Variants in FADS2 observed in about 807,000 individuals in gnomAD.
FADS2 encodes acyl-CoA 6-desaturase.
Under a neutral mutation model 61.2 loss-of-function variants are expected in FADS2, and 18 were observed. That is an observed-to-expected ratio of 0.29 (90% CI 0.20 to 0.44). The LOEUF (loss-of-function observed/expected upper bound fraction) is 0.44. Ranked by LOEUF, FADS2 falls within the 20% of genes least tolerant of loss-of-function variation. The pLI is 1.00. For synonymous variants in FADS2, 203 were observed against 223.9 expected (o/e 0.91, Z 0.83); for missense variants, 322 against 572.7 (o/e 0.56, Z 4.47).
Position 61,865,005 on chromosome 11 carries a change from A to G in FADS2, c.1158-147A>G. ...ACACACGTGGCACCCCACTGGGCAC[A>G]CACGAGGAGCCACACTTTGAGACTG... On this transcript the variant is annotated intron_variant, in intron 10 of 11. Transcript: ENST00000278840. This position sits in a 1 kb window ranked among gnomAD's most constrained non-coding sequence, Gnocchi z 4.1. The G allele has an allele frequency of 1.1e-6, 1 of 937,900 alleles. No individual in the cohort carries two copies. Among genetic ancestry groups the G allele is most frequent in the Non-Finnish European group, 1.6e-6 (1 of 625,246 alleles). The allele number at this position is 937,900 out of a possible 1,614,324, so 58.1% of individuals were successfully genotyped here. A position where few individuals can be genotyped will look rare whatever the true frequency, so the allele number is the denominator to read the frequency against.
At chr11:61,841,527 C>A (rs76401444) in intron 4 of FADS2, among the ~76,000 whole-genome samples, 22 of 149,730 alleles carry the variant, frequency 1.5e-4, no homozygotes, top group African/African-American at 2.0e-4. Context: ...AGTGAGACCC[C>A]CCCCCATCTC....
At chr11:61,842,515 G>A (rs2067224933) in intron 4 of FADS2, among the ~76,000 whole-genome samples, 1 of 152,224 alleles carries the variant, frequency 6.6e-6, no homozygotes, top group Non-Finnish European at 1.5e-5. Context: ...CTGTCCAATT[G>A]CCCTCAGTCT....
At chr11:61,853,671 G>A (rs1161988970) in intron 5 of FADS2, among the ~76,000 whole-genome samples, 1 of 152,004 alleles carries the variant, frequency 6.6e-6, no homozygotes, top group Non-Finnish European at 1.5e-5. Flanking sequence ...AGACCTTCAT[G>A]AACAGGCTTA....
chr11:61,841,528 C>CT (rs1360520621), intron 4 of FADS2, among the ~76,000 whole-genome samples: 1 of 150,010 alleles, frequency 6.7e-6, no homozygotes, highest in African/African-American at 2.5e-5. Flanking sequence ...GTGAGACCCC[C>CT]CCCCATCTCT....
intron 10 of FADS2, among the ~76,000 whole-genome samples, chr11:61,864,379 T>TC (rs1257030852): frequency 6.7e-6 from 1 of 148,250 alleles, no homozygotes; most frequent in Admixed American, 7.0e-5. Flanking sequence ...AATTTTTTCT[T>TC]TTTTTTTTTA....
chr11:61,862,643 G>C, intron 7 of FADS2: 1 of 325,320 alleles, frequency 3.1e-6, no homozygotes, highest in Non-Finnish European at 5.8e-6. Flanking sequence ...GGTTGGGGGC[G>C]CACCTTCAGA....
chr11:61,837,071 T>G (rs2067180202), intron 1 of FADS2, among the ~76,000 whole-genome samples: 1 of 152,260 alleles, frequency 6.6e-6, no homozygotes, highest in African/African-American at 2.4e-5. Flanking sequence ...GTGCCTTTTC[T>G]AACTTGGCCA....
At chr11:61,861,568 A>C (rs1321721306) in intron 7 of FADS2, among the ~76,000 whole-genome samples, 1 of 152,106 alleles carries the variant, frequency 6.6e-6, no homozygotes, top group Non-Finnish European at 1.5e-5. Flanking sequence ...CACACACAGA[A>C]TAGAAGGAAT....
At chr11:61,817,821 T>G (rs1388477855) in intron 1 of FADS2, among the ~76,000 whole-genome samples, 1 of 152,228 alleles carries the variant, frequency 6.6e-6, no homozygotes, top group Non-Finnish European at 1.5e-5. Context: ...AAATTTTATT[T>G]ATTCAACAAA....
At chr11:61,828,075 T>C, upstream of FADS2, 1 of 1,207,480 alleles carries the variant, frequency 8.3e-7, no homozygotes, top group Non-Finnish European at 1.0e-6. This position sits in a 1 kb window ranked among gnomAD's most constrained non-coding sequence, Gnocchi z 6.4. Flanking sequence ...GCAGAGGAGG[T>C]GTCGAGGCCC....
chr11:61,823,567 A>C (rs943620804), upstream of FADS2, among the ~76,000 whole-genome samples: 1 of 152,196 alleles, frequency 6.6e-6, no homozygotes, highest in African/African-American at 2.4e-5. Context: ...CTCCAGCTGG[A>C]GTGCAGTGGC....
chr11:61,850,557 C>G (rs955534000), intron 5 of FADS2, among the ~76,000 whole-genome samples: 11 of 152,116 alleles, frequency 7.2e-5, no homozygotes, highest in African/African-American at 2.7e-4. Flanking sequence ...CCCATAATTT[C>G]TTTTGAATAA....
chr11:61,838,112 G>A (rs934013156), intron 2 of FADS2, among the ~76,000 whole-genome samples: 1 of 152,202 alleles, frequency 6.6e-6, no homozygotes, highest in Non-Finnish European at 1.5e-5. Context: ...CTCCTGGCCA[G>A]TTTCATTTTC....
intron 7 of FADS2, among the ~76,000 whole-genome samples, chr11:61,860,536 T>C (rs968060312): frequency 2.0e-5 from 3 of 152,198 alleles, no homozygotes; most frequent in Non-Finnish European, 4.4e-5. Context: ...CCCAACCCCC[T>C]CGCTCCGCCT....
intron 4 of FADS2, among the ~76,000 whole-genome samples, chr11:61,841,545 A>G (rs2067217486): frequency 6.6e-6 from 1 of 151,422 alleles, no homozygotes; most frequent in South Asian, 2.1e-4. Flanking sequence ...CTCTCAAAAA[A>G]AAAAAAGAAA....
chr11:61,849,170 C>T (rs1433234912), intron 5 of FADS2, among the ~76,000 whole-genome samples: 1 of 152,234 alleles, frequency 6.6e-6, no homozygotes, highest in African/African-American at 2.4e-5. Context: ...GCTGGTATTA[C>T]AGGCATGAGC....
intron 4 of FADS2, among the ~76,000 whole-genome samples, chr11:61,844,561 T>C (rs1017323763): frequency 7.0e-4 from 103 of 147,426 alleles, no homozygotes; most frequent in African/African-American, 2.4e-3. Flanking sequence ...AAATAAAAAA[T>C]AAACATAAAA....
chr11:61,860,514 T>C (rs2067404279), intron 7 of FADS2, among the ~76,000 whole-genome samples: 1 of 152,256 alleles, frequency 6.6e-6, no homozygotes, highest in South Asian at 2.1e-4. Context: ...TCCCCACCTC[T>C]GCTGGCTTCT....
chr11:61,819,414 C>T (rs61897792), intron 1 of FADS2, among the ~76,000 whole-genome samples: 10,583 of 152,100 alleles, frequency 0.07, 495 homozygotes, highest in Non-Finnish European at 0.11. Context: ...GGCGTGGCGG[C>T]GTGCGCCTGT....
Sources: allele counts gnomAD v4.1 joint callset (sites outside exome capture counted in the v4.1 genomes callset), GRCh38; gene constraint gnomAD v4.1.1; non-coding constraint Gnocchi (gnomAD v3.1); transcripts MANE v1.5; gene names NCBI Gene and HGNC (gene_info 2026-07-23, HGNC 2026-07-21).